The following SLC9B2 variants were observed in gnomAD, a reference collection of about 807,000 sequenced individuals.
SLC9B2 encodes solute carrier family 9 member B2.
A neutral mutation model predicts 52.2 loss-of-function variants in SLC9B2; 39 were observed. The ratio of observed to expected loss-of-function variants is 0.75; its 90% CI spans 0.58 to 0.98. The LOEUF (loss-of-function observed/expected upper bound fraction) is 0.98, where lower values mean the gene tolerates loss of function less well. Among genes scored for constraint, SLC9B2 ranks in the 50% least tolerant of loss-of-function variants. SLC9B2 has a pLI of 0.00. For missense variants in SLC9B2, 626 were observed against 637.5 expected (o/e 0.98, Z 0.19); for synonymous variants, 214 against 227.0 (o/e 0.94, Z 0.51).
chr4:103,026,180 A>G lies in SLC9B2; in HGVS notation c.*190T>C. On this transcript the variant is annotated 3_prime_UTR_variant, in exon 12 of 12. Coordinates refer to ENST00000394785, the MANE Select transcript of SLC9B2 (RefSeq NM_178833.7). ...GGGGTGTTTGAAAAAAAAGGCAGAG[A>G]GATTAAGGTTGGTGATATAGATCAT... The G allele has an allele frequency of 1.9e-6, 1 of 514,412 alleles. No individual in the cohort carries two copies. Among genetic ancestry groups the G allele is most frequent in the Non-Finnish European group, 3.4e-6 (1 of 294,348 alleles). 31.9% of individuals were successfully genotyped at this position (514,412 alleles called of 1,614,324 possible).
At chr4:103,040,265 A>C (rs537793568) in intron 9 of SLC9B2, among the ~76,000 whole-genome samples, 19 of 152,362 alleles carry the variant, frequency 1.2e-4, no homozygotes, top group Non-Finnish European at 2.4e-4. Flanking sequence ...GTTTAACAGA[A>C]GTCCTCAAAT....
chr4:103,074,511 A>G (rs560855412), intron 1 of SLC9B2, among the ~76,000 whole-genome samples: 1 of 152,364 alleles, frequency 6.6e-6, no homozygotes, highest in South Asian at 2.1e-4. Flanking sequence ...AAATCATCAT[A>G]GACAATGAAT....
At position 103,022,386 on chromosome 4, in the gene SLC9B2, T is replaced by C. The variant is rs1406912384; in HGVS notation, c.*3984A>G. Among the ~76,000 whole-genome samples, 1 of 152,218 alleles carries C rather than the reference T, an allele frequency of 6.6e-6. No individual in the cohort carries two copies. The highest frequency in any genetic ancestry group is 2.4e-5 in the African/African-American group (1 of 41,464). On this transcript the variant is annotated 3_prime_UTR_variant, in exon 12 of 12. Coordinates refer to ENST00000394785, the MANE Select transcript of SLC9B2 (RefSeq NM_178833.7). ...TCATAAAAGCCAAATATGAAATACT[T>C]ATGTTGCCTTTCACCCAACAAATTC...
At chr4:103,019,845 C>G, downstream of SLC9B2, 2 of 985,770 alleles carry the variant, frequency 2.0e-6, no homozygotes, top group Non-Finnish European at 2.4e-6. Context: ...TCTATTGAAC[C>G]CTTTCCTTTC....
At chr4:103,049,260 C>T (rs183988888) in intron 5 of SLC9B2, among the ~76,000 whole-genome samples, 9 of 152,284 alleles carry the variant, frequency 5.9e-5, no homozygotes, top group Non-Finnish European at 7.3e-5. Context: ...TAGATGTCCT[C>T]ATCTGAAAAG....
At chr4:103,042,836 A>G (rs1205904826) in intron 9 of SLC9B2, among the ~76,000 whole-genome samples, 1 of 151,766 alleles carries the variant, frequency 6.6e-6, no homozygotes. Context: ...ACATATTTTT[A>G]TATTTTAACA....
rs565304619 is a variant in SLC9B2, at chr4:103,049,174, A to G, written c.586-154T>C. On this transcript the variant is annotated intron_variant, in intron 5 of 11. Transcript: ENST00000394785. Reference sequence around the variant, plus strand: ...ATTTAACAAACATTTTAGCACTCCAAGTGTTTTCAGACAGCTTATTAAGTC... The same window carrying G: ...ATTTAACAAACATTTTAGCACTCCAGGTGTTTTCAGACAGCTTATTAAGTC... Among the ~76,000 whole-genome samples the G allele has an allele frequency of 4.6e-5, 7 of 152,312 alleles. 1 individual carries two copies. In the South Asian group the frequency reaches 1.5e-3, roughly 32 times the overall value.
At chr4:103,030,084 T>C (rs1390287866) in intron 10 of SLC9B2, among the ~76,000 whole-genome samples, 3 of 152,070 alleles carry the variant, frequency 2.0e-5, no homozygotes, top group African/African-American at 4.8e-5. Context: ...GAAGGAAACA[T>C]TGAAAGTTTG....
At chr4:103,045,197 A>C (rs1044906270) in intron 7 of SLC9B2, among the ~76,000 whole-genome samples, 4 of 152,180 alleles carry the variant, frequency 2.6e-5, no homozygotes, top group Non-Finnish European at 4.4e-5. Context: ...TAATTAAAAA[A>C]AATTTTTTGT....
intron 3 of SLC9B2, among the ~76,000 whole-genome samples, chr4:103,063,592 A>G (rs866835733): frequency 5.3e-5 from 8 of 151,996 alleles, no homozygotes; most frequent in Non-Finnish European, 8.8e-5. Context: ...TTATGAAACT[A>G]TTAGAAAAAA....
upstream of SLC9B2, chr4:103,076,831 T>TA (rs1342091135): frequency 6.6e-6 from 1 of 152,362 alleles, no homozygotes; most frequent in African/African-American, 2.4e-5. Flanking sequence ...GGCAGCCCGT[T>TA]ACTTGTTTTA....
rs1005298780 is a variant in SLC9B2, at chr4:103,076,737, C to T, written c.-596G>A. ...GAAAGCTTACCCAGAGAGCGCGGAC[C>T]CAGGCGCCGAGTCTTCCCGGAGATG... On this transcript the variant is annotated 5_prime_UTR_variant, in exon 1 of 12. Coordinates refer to ENST00000394785, the MANE Select transcript of SLC9B2 (RefSeq NM_178833.7). 1.3e-5 allele frequency: 2 copies of T among 152,308 alleles called. No homozygotes were observed. Among genetic ancestry groups the T allele is most frequent in the Non-Finnish European group, 1.5e-5 (1 of 68,096 alleles). The allele number at this position is 152,308 out of a possible 1,614,324, so 9.4% of individuals were successfully genotyped here. A position where few individuals can be genotyped will look rare whatever the true frequency, so the allele number is the denominator to read the frequency against.
At chr4:103,057,273 TAC>T (rs1553917193) in intron 4 of SLC9B2, among the ~76,000 whole-genome samples, 27 of 143,272 alleles carry the variant, frequency 1.9e-4, no homozygotes, top group East Asian at 1.2e-3. Flanking sequence ...TATATATATA[TAC>T]ACACACACAC....
upstream of SLC9B2, chr4:103,076,949 G>A (rs1256264468): frequency 1.3e-5 from 2 of 152,356 alleles, no homozygotes; most frequent in Non-Finnish European, 2.9e-5. Flanking sequence ...TCTTTCTTAA[G>A]GTGACCAATT....
At chr4:103,071,690 T>A (rs1183505353) in intron 1 of SLC9B2, among the ~76,000 whole-genome samples, 1 of 152,046 alleles carries the variant, frequency 6.6e-6, no homozygotes, top group African/African-American at 2.4e-5. Flanking sequence ...TTTTGTATTT[T>A]TAATAGGGAT....
In SLC9B2 at chr4:103,025,349, A is replaced by C. The variant is rs1316775191; in HGVS notation, c.*1021T>G. Reference sequence around the variant, plus strand: ...ATTGCCAAGGTCTGATTTTTCACAAAAAATTTTTGCAACCTCTGGCATAAA... The same window carrying C: ...ATTGCCAAGGTCTGATTTTTCACAACAAATTTTTGCAACCTCTGGCATAAA... On this transcript the variant is annotated 3_prime_UTR_variant, in exon 12 of 12. Transcript: ENST00000394785. 6.6e-6 allele frequency: 1 copy of C among 152,112 alleles called. No homozygotes were observed. Among genetic ancestry groups the C allele is most frequent in the Admixed American group, 6.5e-5 (1 of 15,272 alleles). 9.4% of individuals were successfully genotyped at this position (152,112 alleles called of 1,614,324 possible). A position where few individuals can be genotyped will look rare whatever the true frequency, so the allele number is the denominator to read the frequency against.
intron 7 of SLC9B2, among the ~76,000 whole-genome samples, chr4:103,046,258 T>C (rs1447499149): frequency 6.6e-6 from 1 of 152,234 alleles, no homozygotes; most frequent in Admixed American, 6.5e-5. Flanking sequence ...TTGTCAATCA[T>C]ATAATGTTGC....
At chr4:103,051,482 ATT>A (rs1744679940) in intron 4 of SLC9B2, among the ~76,000 whole-genome samples, 1 of 152,128 alleles carries the variant, frequency 6.6e-6, no homozygotes, top group Non-Finnish European at 1.5e-5. Context: ...CATCACTGCC[ATT>A]TATCTACGGG....
At chr4:103,060,273 T>C (rs1310194239) in intron 3 of SLC9B2, among the ~76,000 whole-genome samples, 1 of 151,920 alleles carries the variant, frequency 6.6e-6, no homozygotes, top group Non-Finnish European at 1.5e-5. Context: ...TTCACATTTA[T>C]TTGCCAGTTC....
Sources: allele counts gnomAD v4.1 joint callset (sites outside exome capture counted in the v4.1 genomes callset), GRCh38; gene constraint gnomAD v4.1.1; transcripts MANE v1.5; gene names NCBI Gene and HGNC (gene_info 2026-07-23, HGNC 2026-07-21).